NSD1: variants seen among roughly 807,000 people sequenced by gnomAD.
NSD1 encodes the protein nuclear receptor binding SET domain protein 1.
NSD1 carries 26 observed loss-of-function variants against 242.7 expected under a neutral mutation model. That is an observed-to-expected ratio of 0.11 (90% confidence interval 0.08 to 0.15). The LOEUF (loss-of-function observed/expected upper bound fraction) is 0.15, where lower values mean the gene tolerates loss of function less well. Ranked by LOEUF, NSD1 falls within the 10% of genes least tolerant of loss-of-function variation. The pLI, the probability that NSD1 is intolerant of heterozygous loss-of-function variation, is 1.00. For missense variants in NSD1, 2,495 were observed against 3,272.8 expected (o/e 0.76, Z 5.80); for synonymous variants, 1,106 against 1,178.1 (o/e 0.94, Z 1.25).
At chr5:177,285,831 T>C (rs1415109742) in intron 20 of NSD1, among the ~76,000 whole-genome samples, 1 of 152,164 alleles carries the variant, frequency 6.6e-6, no homozygotes, top group African/African-American at 2.4e-5. Flanking sequence ...TCAGGAAGCA[T>C]TGATCAAGAT....
At chr5:177,147,145 G>A (rs991373889) in intron 2 of NSD1, among the ~76,000 whole-genome samples, 5 of 151,968 alleles carry the variant, frequency 3.3e-5, no homozygotes, top group African/African-American at 9.7e-5. Flanking sequence ...TTGCTCTGCC[G>A]CCCAGGCTGG....
intron 6 of NSD1, 68 bp downstream of exon 6, chr5:177,236,013 T>C (rs562784144): frequency 2.6e-6 from 4 of 1,517,416 alleles, no homozygotes; most frequent in Non-Finnish European, 2.7e-6. Flanking sequence ...TTCAATGTCA[T>C]ACTTTATCTT....
chr5:177,275,251 G>A (rs1186661990), intron 17 of NSD1, among the ~76,000 whole-genome samples: 1 of 151,740 alleles, frequency 6.6e-6, no homozygotes, highest in Non-Finnish European at 1.5e-5. Context: ...CTTCAAGATC[G>A]TGTCTCCAGT....
intron 2 of NSD1, among the ~76,000 whole-genome samples, chr5:177,148,769 T>C (rs1301370526): frequency 6.6e-6 from 1 of 152,184 alleles, no homozygotes; most frequent in Non-Finnish European, 1.5e-5. Flanking sequence ...TTTTCCCTAG[T>C]GTCTGTACCA....
intron 2 of NSD1, among the ~76,000 whole-genome samples, chr5:177,141,717 C>G (rs1238594375): frequency 6.6e-6 from 1 of 152,146 alleles, no homozygotes; most frequent in Non-Finnish European, 1.5e-5. Context: ...ATTGATTCTG[C>G]TGCTACTCCA....
chr5:177,235,696 C>A, intron 5 of NSD1, 125 bp from the exon 6 acceptor site: 1 of 1,245,688 alleles, frequency 8.0e-7, no homozygotes, highest in Non-Finnish European at 1.1e-6. Flanking sequence ...GCATCTTAAG[C>A]CATAGTCTAT....
chr5:177,283,119 A>T (rs1055836546), intron 19 of NSD1, among the ~76,000 whole-genome samples: 5 of 152,008 alleles, frequency 3.3e-5, no homozygotes, highest in Admixed American at 6.6e-5. Flanking sequence ...ACGCCCGGCT[A>T]ATTTTTGTAT....
At chr5:177,240,013 C>G in intron 8 of NSD1, 148 bp downstream of exon 8, 1 of 609,492 alleles carries the variant, frequency 1.6e-6, no homozygotes, top group Non-Finnish European at 2.9e-6. Flanking sequence ...CTGAGATTTC[C>G]TACATGAAAG....
chr5:177,169,927 CTGTT>C (rs1452401701), intron 2 of NSD1, among the ~76,000 whole-genome samples: 2 of 149,188 alleles, frequency 1.3e-5, no homozygotes. Flanking sequence ...TTTTTTCTGT[CTGTT>C]GAGGTTATCA....
At chr5:177,163,570 A>T (rs78165442) in intron 2 of NSD1, among the ~76,000 whole-genome samples, 5,767 of 152,250 alleles carry the variant, frequency 0.038, 184 homozygotes, top group South Asian at 0.055. Flanking sequence ...TCTCAACCTT[A>T]GTTTTTAATC....
At chr5:177,159,023 TATGAATG>T (rs1351181412) in intron 2 of NSD1, among the ~76,000 whole-genome samples, 153 of 119,050 alleles carry the variant, frequency 1.3e-3, no homozygotes, top group African/African-American at 2.8e-3. Flanking sequence ...TATATATATA[TATGAATG>T]ATATATATAT....
In NSD1 at chr5:177,275,435, C is replaced by CTTTTTTTTTT. The variant is rs749631943; in HGVS notation, c.5622+1668_5622+1677dup. On this transcript the variant is annotated intron_variant, in intron 17 of 22. Transcript: ENST00000439151. ...TGTGATTCCATTGTGCTTCCCTTGTCTTTTTTTTTTTTTTTTTTTTTTTTT... is the reference window on the plus strand; with the variant it reads ...TGTGATTCCATTGTGCTTCCCTTGTCTTTTTTTTTTTTTTTTTTTTTTTTTTTTTTTTTTT... 1.2e-4 allele frequency among the ~76,000 whole-genome samples: 6 copies of CTTTTTTTTTT among 50,144 alleles called. 1 individual carries two copies. Among genetic ancestry groups the CTTTTTTTTTT allele is most frequent in the Non-Finnish European group, 2.0e-4 (6 of 29,738 alleles). The allele number at this position is 50,144 out of a possible 152,430, so 32.9% of individuals were successfully genotyped here.
chr5:177,182,693 A>G (rs969843710), intron 2 of NSD1, among the ~76,000 whole-genome samples: 2 of 151,790 alleles, frequency 1.3e-5, no homozygotes, highest in African/African-American at 2.4e-5. Flanking sequence ...CTGGAGTGCA[A>G]TGGCGCAATC....
chr5:177,142,911 C>G (rs1756943214), intron 2 of NSD1, among the ~76,000 whole-genome samples: 2 of 152,134 alleles, frequency 1.3e-5, no homozygotes, highest in South Asian at 2.1e-4. Context: ...GATGCTAGAG[C>G]CTTGTGTACC....
chr5:177,221,701 CCTT>C (rs1481444391), intron 5 of NSD1, among the ~76,000 whole-genome samples: 2 of 152,042 alleles, frequency 1.3e-5, no homozygotes, highest in Non-Finnish European at 2.9e-5. Flanking sequence ...GAACTCCTGA[CCTT>C]ATGATCCGTC....
chr5:177,133,630 G>A (rs952827066), upstream of NSD1: 41 of 150,092 alleles, frequency 2.7e-4, no homozygotes, highest in Non-Finnish European at 5.6e-4. This position sits in a 1 kb window ranked among gnomAD's most constrained non-coding sequence, Gnocchi z 6.2. Flanking sequence ...CCTGAACCCC[G>A]AAGAGTGAGA....
chr5:177,192,474 G>A (rs1278623465), intron 3 of NSD1, among the ~76,000 whole-genome samples: 1 of 151,868 alleles, frequency 6.6e-6, no homozygotes, highest in African/African-American at 2.4e-5. Flanking sequence ...TCAGCTTACC[G>A]CAACCTCTGC....
intron 4 of NSD1, among the ~76,000 whole-genome samples, chr5:177,208,023 C>T (rs1043248085): frequency 2.6e-5 from 4 of 152,020 alleles, no homozygotes; most frequent in Admixed American, 2.6e-4. Flanking sequence ...CTCAGCCTCT[C>T]AAAGTCCTGG....
chr5:177,142,094 A>C (rs1285779045), intron 2 of NSD1, among the ~76,000 whole-genome samples: 2 of 152,220 alleles, frequency 1.3e-5, no homozygotes, highest in Non-Finnish European at 2.9e-5. Flanking sequence ...TCTGCTTCCC[A>C]AAGTGCTGGG....
Sources: gnomAD v4.1 joint callset for allele counts (sites outside exome capture counted in the v4.1 genomes callset) on GRCh38, gnomAD v4.1.1 for gene constraint, Gnocchi (gnomAD v3.1) non-coding constraint, MANE v1.5 for transcripts, NCBI Gene and HGNC (gene_info 2026-07-23, HGNC 2026-07-21) for gene names.